MAP2K5: variants seen among roughly 807,000 people sequenced by gnomAD.
The protein encoded by MAP2K5 is mitogen-activated protein kinase kinase 5.
Under a neutral mutation model 83.1 loss-of-function variants are expected in MAP2K5, and 49 were observed. The observed-to-expected ratio is 0.59, with a 90% CI of 0.47 to 0.75. The LOEUF (loss-of-function observed/expected upper bound fraction) is 0.75, where lower values mean the gene tolerates loss of function less well. Ranked by LOEUF, MAP2K5 falls within the 30% of genes least tolerant of loss-of-function variation. The pLI, the probability that MAP2K5 is intolerant of heterozygous loss-of-function variation, is 0.00. For missense variants in MAP2K5, 457 were observed against 557.5 expected, an observed-to-expected ratio of 0.82 and a Z score of 1.82; for synonymous variants, 202 against 191.8, an observed-to-expected ratio of 1.05 and a Z score of -0.44.
chr15:67,641,736 A>G (rs1209202236), intron 9 of MAP2K5: 5 of 493,132 alleles, frequency 1.0e-5, no homozygotes, highest in Non-Finnish European at 1.1e-5. Flanking sequence ...AACATTTAGC[A>G]CTTCCTAAGG....
In MAP2K5 at chr15:67,590,446, C is replaced by CTCTCTCTCTCTCT. The variant is rs1555529574; in HGVS notation, c.432-2480_432-2479insTCTCTCTCTCTCT. ...CCCTCCCTCTCTCTCTCCCTCCCTC[C>CTCTCTCTCTCTCT]CTCTCTCTCTCTCTCTCTCTCTCTC... is the stretch of plus-strand genomic sequence containing the variant. On this transcript the variant is annotated intron_variant, in intron 6 of 21. Transcript: ENST00000178640. Among the ~76,000 whole-genome samples, 32 of 30,542 alleles carry CTCTCTCTCTCTCT rather than the reference C, an allele frequency of 1.0e-3. 1 individual carries two copies. The highest frequency in any genetic ancestry group is 1.2e-3 in the African/African-American group (10 of 8,528). The allele number at this position is 30,542 out of a possible 152,430, so 20.0% of individuals were successfully genotyped here.
intron 21 of MAP2K5, among the ~76,000 whole-genome samples, chr15:67,797,913 G>C (rs1399902557): frequency 6.6e-6 from 1 of 152,074 alleles, no homozygotes; most frequent in Non-Finnish European, 1.5e-5. Flanking sequence ...GAACTCCTGA[G>C]CTCAGGTGAT....
rs879396407 is a variant in MAP2K5 at position 67,779,994 on chromosome 15, C to A, written c.1242+7242C>A. ...AGCCTAAAAGAGCCTCCTCTCCCCT[C>A]CCCTGGAAGGTCTTGGTCCTCCTCC... is the stretch of plus-strand genomic sequence containing the variant. On this transcript the variant is annotated intron_variant, in intron 21 of 21. Transcript: ENST00000178640. The surrounding 1 kb of genome is among the most constrained non-coding windows in gnomAD (Gnocchi z 4.6). Among the ~76,000 whole-genome samples, 3 of 152,162 alleles carry A rather than the reference C, an allele frequency of 2.0e-5. No homozygotes were observed. The highest frequency in any genetic ancestry group is 4.4e-5 in the Non-Finnish European group (3 of 67,982).
chr15:67,617,559 C>T (rs1241064353), intron 8 of MAP2K5, among the ~76,000 whole-genome samples: 1 of 152,180 alleles, frequency 6.6e-6, no homozygotes, highest in East Asian at 1.9e-4. Flanking sequence ...ATGGTAAAAT[C>T]CAGATGCAGT....
intron 7 of MAP2K5, among the ~76,000 whole-genome samples, chr15:67,594,015 G>T (rs947300192): frequency 2.6e-5 from 4 of 152,170 alleles, no homozygotes; most frequent in African/African-American, 9.7e-5. Flanking sequence ...GTATGGTAGT[G>T]CTTCTGGAGG....
At chr15:67,691,682 G>A (rs1011368651) in intron 13 of MAP2K5, among the ~76,000 whole-genome samples, 1 of 152,094 alleles carries the variant, frequency 6.6e-6, no homozygotes, top group Admixed American at 6.5e-5. Flanking sequence ...TCCTTGGGTG[G>A]CTTTTTTGGG....
In MAP2K5 at chr15:67,749,430, C is replaced by T. The variant is rs2089673064; in HGVS notation, c.1134+829C>T. Among the ~76,000 whole-genome samples the T allele has an allele frequency of 6.6e-6, 1 of 152,040 alleles. No individual in the cohort carries two copies. The highest frequency in any genetic ancestry group is 6.6e-5 in the Admixed American group (1 of 15,262). ...AACTTTAATTTTATAATATTTAAAA[C>T]AGTTGTAATTAGAGAGGGAAGGCAG... On this transcript the variant is annotated intron_variant, in intron 19 of 21. Transcript: ENST00000178640. This position sits in a 1 kb window ranked among gnomAD's most constrained non-coding sequence, Gnocchi z 4.6.
chr15:67,764,804 A>C lies in MAP2K5; in HGVS notation c.1135-4798A>C, dbSNP rs6494694. Among the ~76,000 whole-genome samples the C allele has an allele frequency of 0.62, 94,351 of 152,082 alleles. 30,078 individuals carry two copies. Among genetic ancestry groups the C allele is most frequent in the Non-Finnish European group, 0.68 (46,341 of 67,980 alleles). On this transcript the variant is annotated intron_variant, in intron 19 of 21. Coordinates refer to ENST00000178640, the MANE Select transcript of MAP2K5 (RefSeq NM_145160.3). The surrounding 1 kb of genome is among the most constrained non-coding windows in gnomAD (Gnocchi z 4.9). Reference sequence around the variant, plus strand: ...GAATTATAGGCAAAAATGTAGTCCTAAGGAATATTTTTTTAAGCAAAAGGC... The same window carrying C: ...GAATTATAGGCAAAAATGTAGTCCTCAGGAATATTTTTTTAAGCAAAAGGC...
chr15:67,567,361 T>TC, intron 3 of MAP2K5, among the ~76,000 whole-genome samples: 1 of 149,832 alleles, frequency 6.7e-6, no homozygotes, highest in East Asian at 1.9e-4. Context: ...TAAAGTTTTT[T>TC]TTTTTTTTTT....
chr15:67,695,271 TA>T (rs879628376), intron 15 of MAP2K5, among the ~76,000 whole-genome samples: 7 of 148,940 alleles, frequency 4.7e-5, no homozygotes, highest in Non-Finnish European at 4.5e-5. Flanking sequence ...ATAATAAATT[TA>T]AAAAAAAAAG....
intron 8 of MAP2K5, among the ~76,000 whole-genome samples, chr15:67,607,893 T>C (rs1011940181): frequency 6.6e-6 from 1 of 152,196 alleles, no homozygotes; most frequent in South Asian, 2.1e-4. Context: ...AATATTGCTA[T>C]ACAAACAACT....
intron 8 of MAP2K5, among the ~76,000 whole-genome samples, chr15:67,616,203 A>G (rs1010123377): frequency 1.3e-5 from 2 of 152,086 alleles, no homozygotes; most frequent in African/African-American, 4.8e-5. Flanking sequence ...AAGAAGCATC[A>G]TCTGTAAGAA....
Position 67,769,721 on chromosome 15 carries a change from C to G in MAP2K5, c.1196+58C>G. 6.4e-7 allele frequency: 1 copy of G among 1,555,974 alleles called. No individual in the cohort carries two copies. On this transcript the variant is annotated intron_variant, in intron 20 of 21. Transcript: ENST00000178640. The surrounding 1 kb of genome is among the most constrained non-coding windows in gnomAD (Gnocchi z 5.2). Reference sequence around the variant, plus strand: ...ATGTAAATGATACATGCCATTAACTCGGCAGCTCCGTGAGACCTTATGGCT... The same window carrying G: ...ATGTAAATGATACATGCCATTAACTGGGCAGCTCCGTGAGACCTTATGGCT...
At chr15:67,599,540 A>G (rs903159916) in intron 7 of MAP2K5, among the ~76,000 whole-genome samples, 10 of 152,208 alleles carry the variant, frequency 6.6e-5, no homozygotes, top group African/African-American at 9.6e-5. Context: ...GCTTTATTCA[A>G]TTGGTGGAAG....
chr15:67,804,091 C>T (rs560091869), intron 21 of MAP2K5, among the ~76,000 whole-genome samples: 6 of 152,258 alleles, frequency 3.9e-5, no homozygotes, highest in South Asian at 2.1e-4. Flanking sequence ...CAGGCAGAGA[C>T]GCTGCCAGGC....
At position 67,708,746 on chromosome 15, in the gene MAP2K5, C is replaced by T. The variant is rs562299379; in HGVS notation, c.1044+5338C>T. ...GCCCCCATGGGGAGTCATAAAAAGGCCTCTTGCCACACTCTTTCATAAAAG... is the reference window on the plus strand; with the variant it reads ...GCCCCCATGGGGAGTCATAAAAAGGTCTCTTGCCACACTCTTTCATAAAAG... On this transcript the variant is annotated intron_variant, in intron 16 of 21. Coordinates refer to ENST00000178640, the MANE Select transcript of MAP2K5 (RefSeq NM_145160.3). This position sits in a 1 kb window ranked among gnomAD's most constrained non-coding sequence, Gnocchi z 4.9. Among the ~76,000 whole-genome samples the T allele has an allele frequency of 2.6e-5, 4 of 152,244 alleles. No homozygotes were observed. The East Asian group carries it at 7.7e-4, about 29-fold the overall frequency.
In MAP2K5 at chr15:67,769,782, G is replaced by A. The variant is rs1596943577; in HGVS notation, c.1196+119G>A. The A allele has an allele frequency of 1.1e-6, 1 of 915,250 alleles. No individual in the cohort carries two copies. The highest frequency in any genetic ancestry group is 1.7e-6 in the Non-Finnish European group (1 of 584,912). 56.7% of individuals were successfully genotyped at this position (915,250 alleles called of 1,614,324 possible). A position where few individuals can be genotyped will look rare whatever the true frequency, so the allele number is the denominator to read the frequency against. On this transcript the variant is annotated intron_variant, in intron 20 of 21. Coordinates refer to ENST00000178640, the MANE Select transcript of MAP2K5 (RefSeq NM_145160.3). This position sits in a 1 kb window ranked among gnomAD's most constrained non-coding sequence, Gnocchi z 5.2. ...CCTTTTGGAGACAGGAGGGACTTCG[G>A]GGCCTTGGGCAGATGGGGCAGCAAA...
intron 19 of MAP2K5, among the ~76,000 whole-genome samples, chr15:67,759,208 G>T (rs188255782): frequency 6.6e-6 from 1 of 152,264 alleles, no homozygotes; most frequent in African/African-American, 2.4e-5. Context: ...CCGGTGCTGG[G>T]GGGTGGGGGA....
At chr15:67,696,336 A>G (rs1274940661) in intron 15 of MAP2K5, among the ~76,000 whole-genome samples, 3 of 152,096 alleles carry the variant, frequency 2.0e-5, no homozygotes, top group Non-Finnish European at 1.5e-5. Flanking sequence ...GACCACACCC[A>G]TTTGCTTATA....
Sources: allele counts gnomAD v4.1 joint callset (sites outside exome capture counted in the v4.1 genomes callset), GRCh38; gene constraint gnomAD v4.1.1; non-coding constraint Gnocchi (gnomAD v3.1); transcripts MANE v1.5; gene names NCBI Gene and HGNC (gene_info 2026-07-23, HGNC 2026-07-21).